The following PCDHGB2 variants were observed in gnomAD, a reference collection of about 807,000 sequenced individuals.
PCDHGB2 encodes protocadherin gamma-B2.
Under a neutral mutation model 59.3 loss-of-function variants are expected in PCDHGB2, and 55 were observed. The observed-to-expected ratio is 0.93, with a 90% CI of 0.75 to 1.16. The LOEUF is 1.16. Ranked by LOEUF, PCDHGB2 falls within the 50% of genes most tolerant of loss-of-function variation. The probability of loss-of-function intolerance (pLI) is 0.00; values close to 1 mark genes in which losing one functional copy is unlikely to be tolerated. For missense variants in PCDHGB2, 1,228 were observed against 1,198.5 expected (o/e 1.02, Z -0.36); for synonymous variants, 516 against 512.0 (o/e 1.01, Z -0.11).
intron 1 of PCDHGB2, chr5:141,389,603 C>A: frequency 6.2e-7 from 1 of 1,613,148 alleles, no homozygotes; most frequent in Non-Finnish European, 8.5e-7. Flanking sequence ...CTGCGCTCTT[C>A]GATATGGTGC....
Position 141,432,059 on chromosome 5 carries a change from A to T in PCDHGB2, c.2422-62748A>T. On this transcript the variant is annotated intron_variant, in intron 1 of 3. Transcript: ENST00000522605. This position sits in a 1 kb window ranked among gnomAD's most constrained non-coding sequence, Gnocchi z 6.0. ...TGACCGGGGAACCCCGCCCCTATCC[A>T]CGGAAACTCATATCTCGCTGAACGT... The T allele has an allele frequency of 6.2e-7, 1 of 1,614,170 alleles. No homozygotes were observed. Among genetic ancestry groups the T allele is most frequent in the Non-Finnish European group, 8.5e-7 (1 of 1,180,030 alleles).
chr5:141,505,704 G>A (rs770933428), intron 3 of PCDHGB2, among the ~76,000 whole-genome samples: 1 of 152,184 alleles, frequency 6.6e-6, no homozygotes, highest in Non-Finnish European at 1.5e-5. Context: ...GAGCGAACAA[G>A]GAAAAGACTC....
chr5:141,383,930 C>T lies in PCDHGB2; in HGVS notation c.2421+21374C>T. 7 of 1,613,800 alleles carry T rather than the reference C, an allele frequency of 4.3e-6. No homozygotes were observed. Among genetic ancestry groups the T allele is most frequent in the Non-Finnish European group, 5.9e-6 (7 of 1,179,786 alleles). ...ACAGTTTTAGATGTAAATGATAATG[C>T]TCCAGAAGTGACTATGACGTCTTTA... On this transcript the variant is annotated intron_variant, in intron 1 of 3. Coordinates refer to ENST00000522605, the MANE Select transcript of PCDHGB2 (RefSeq NM_018923.3).
At chr5:141,410,254 C>G in intron 1 of PCDHGB2, 1 of 1,614,020 alleles carries the variant, frequency 6.2e-7, no homozygotes, top group Non-Finnish European at 8.5e-7. Flanking sequence ...TCTCTGACCC[C>G]CAGGCTGAAC....
intron 1 of PCDHGB2, among the ~76,000 whole-genome samples, chr5:141,433,378 T>C (rs1246585250): frequency 6.6e-5 from 10 of 151,072 alleles, no homozygotes. Context: ...TATCTATCTA[T>C]CTATCTATCT....
chr5:141,489,425 G>T lies in PCDHGB2; in HGVS notation c.2422-5382G>T, dbSNP rs779739693. 6.2e-7 allele frequency: 1 copy of T among 1,614,118 alleles called. No homozygotes were observed. The highest frequency in any genetic ancestry group is 8.5e-7 in the Non-Finnish European group (1 of 1,180,030). The stretch of plus-strand genomic sequence containing the variant: ...TTAAAGATGACAGATCTGTTGAGCC[G>T]GCGGCTGCAATTGGGCTCTGAGGAG... On this transcript the variant is annotated intron_variant, in intron 1 of 3. Transcript: ENST00000522605. This position sits in a 1 kb window ranked among gnomAD's most constrained non-coding sequence, Gnocchi z 4.5.
chr5:141,494,764 T>A (rs773955144), intron 1 of PCDHGB2, 43 bp from the exon 2 acceptor site: 1 of 1,613,932 alleles, frequency 6.2e-7, no homozygotes, highest in Non-Finnish European at 8.5e-7. Context: ...ACATTCTAAC[T>A]TCTCACGGGT....
At chr5:141,412,948 G>A in intron 1 of PCDHGB2, 1 of 468,334 alleles carries the variant, frequency 2.1e-6, no homozygotes, top group Non-Finnish European at 3.7e-6. Context: ...TCTGAGCGCC[G>A]CTGTTCACCT....
Position 141,393,813 on chromosome 5 carries a change from C to T in PCDHGB2, c.2421+31257C>T, listed in dbSNP as rs376904307. On this transcript the variant is annotated intron_variant, in intron 1 of 3. Coordinates refer to ENST00000522605, the MANE Select transcript of PCDHGB2 (RefSeq NM_018923.3). ...GGCACTTCTGGGGAGGACCAAATTGCTCATTTCGGTGGAAGATGTAAATGA... is the reference window on the plus strand; with the variant it reads ...GGCACTTCTGGGGAGGACCAAATTGTTCATTTCGGTGGAAGATGTAAATGA... 4.3e-6 allele frequency: 7 copies of T among 1,613,812 alleles called. 1 individual carries two copies. The East Asian group carries it at 8.9e-5, about 21-fold the overall frequency.
Position 141,432,604 on chromosome 5 carries a change from A to T in PCDHGB2, c.2422-62203A>T, listed in dbSNP as rs774164351. ...GTCTGCTCAAGGCCAGCGAGCCGGG[A>T]CTCTTCTCGGTGGGTCTGCACACGG... On this transcript the variant is annotated intron_variant, in intron 1 of 3. Coordinates refer to ENST00000522605, the MANE Select transcript of PCDHGB2 (RefSeq NM_018923.3). The surrounding 1 kb of genome is among the most constrained non-coding windows in gnomAD (Gnocchi z 6.0). 1.2e-6 allele frequency: 2 copies of T among 1,610,530 alleles called. No homozygotes were observed. The highest frequency in any genetic ancestry group is 1.7e-6 in the Non-Finnish European group (2 of 1,179,274).
intron 1 of PCDHGB2, chr5:141,366,551 G>A (rs372327694): frequency 1.2e-6 from 2 of 1,614,148 alleles, no homozygotes; most frequent in African/African-American, 2.7e-5. Context: ...CTCGCACTTT[G>A]TGGGCGTGGA....
rs1441791773 is a variant in PCDHGB2, at chr5:141,486,038, G to A, written c.2422-8769G>A. The A allele has an allele frequency of 1.9e-6, 3 of 1,614,066 alleles. No individual in the cohort carries two copies. The highest frequency in any genetic ancestry group is 1.1e-5 in the South Asian group (1 of 91,088). On this transcript the variant is annotated intron_variant, in intron 1 of 3. Coordinates refer to ENST00000522605, the MANE Select transcript of PCDHGB2 (RefSeq NM_018923.3). The surrounding 1 kb of genome is among the most constrained non-coding windows in gnomAD (Gnocchi z 5.0). ...TTTCAGTGGTCATACCCCTGATCGT[G>A]TAAGAAACCTCTTTAGCCTGCACCC...
At chr5:141,377,665 G>A (rs1040007479) in intron 1 of PCDHGB2, 1 of 151,618 alleles carries the variant, frequency 6.6e-6, no homozygotes, top group Non-Finnish European at 1.5e-5. Flanking sequence ...AACGACAGAC[G>A]TTCATACAAG....
chr5:141,413,117 C>A, intron 1 of PCDHGB2: 1 of 1,509,120 alleles, frequency 6.6e-7, no homozygotes, highest in Non-Finnish European at 8.9e-7. Context: ...ACAAAGGAAC[C>A]GGTTGAAACA....
chr5:141,374,681 C>G, intron 1 of PCDHGB2: 1 of 1,610,216 alleles, frequency 6.2e-7, no homozygotes, highest in Non-Finnish European at 8.5e-7. Context: ...GGAGGGCACA[C>G]TGGACCGGGA....
rs181397365 is a variant in PCDHGB2, at chr5:141,481,810, G to A, written c.2422-12997G>A. Among the ~76,000 whole-genome samples, 99 of 151,944 alleles carry A rather than the reference G, an allele frequency of 6.5e-4. 1 individual carries two copies. The highest frequency in any genetic ancestry group is 2.4e-3 in the African/African-American group (98 of 41,418). On this transcript the variant is annotated intron_variant, in intron 1 of 3. Transcript: ENST00000522605. ...CTACTAAAAATACAAAAATTCACCA[G>A]GCGTGGTGGCTGAGGCAGGAGAATC...
Position 141,383,071 on chromosome 5 carries a change from G to C in PCDHGB2, c.2421+20515G>C. ...CAAGGACCTGGGGCTGGAGCCCCGGGAGCTGGCGGAGCGCGGAGTCCGCAT... is the reference window on the plus strand; with the variant it reads ...CAAGGACCTGGGGCTGGAGCCCCGGCAGCTGGCGGAGCGCGGAGTCCGCAT... On this transcript the variant is annotated intron_variant, in intron 1 of 3. Coordinates refer to ENST00000522605, the MANE Select transcript of PCDHGB2 (RefSeq NM_018923.3). The C allele has an allele frequency of 1.9e-6, 3 of 1,613,916 alleles. No homozygotes were observed. The South Asian group carries it at 3.3e-5, about 18-fold the overall frequency.
intron 1 of PCDHGB2, chr5:141,372,553 G>T: frequency 6.2e-7 from 1 of 1,613,978 alleles, no homozygotes; most frequent in Non-Finnish European, 8.5e-7. Flanking sequence ...TGCTCCTCCA[G>T]ACCCGCCACT....
chr5:141,492,552 T>A (rs1444534113), intron 1 of PCDHGB2, among the ~76,000 whole-genome samples: 1 of 152,084 alleles, frequency 6.6e-6, no homozygotes, highest in African/African-American at 2.4e-5. Context: ...CCGGGTCGCC[T>A]GGGGGGCGGC....
Sources: gnomAD v4.1 joint callset for allele counts (sites outside exome capture counted in the v4.1 genomes callset) on GRCh38, gnomAD v4.1.1 for gene constraint, Gnocchi (gnomAD v3.1) non-coding constraint, MANE v1.5 for transcripts, NCBI Gene and HGNC (gene_info 2026-07-23, HGNC 2026-07-21) for gene names.